SOX6: variants seen among roughly 807,000 people sequenced by gnomAD.
The protein encoded by SOX6 is transcription factor SOX-6.
SOX6 carries 11 observed loss-of-function variants against 97.8 expected under a neutral mutation model. The observed-to-expected ratio is 0.11, with a 90% CI of 0.07 to 0.19. The LOEUF is 0.19. Ranked by LOEUF, SOX6 falls within the 10% of genes least tolerant of loss-of-function variation. The probability of loss-of-function intolerance (pLI) is 1.00; values close to 1 mark genes in which losing one functional copy is unlikely to be tolerated. For missense variants in SOX6, 810 were observed against 1,039.5 expected (o/e 0.78, Z 3.04); for synonymous variants, 360 against 371.4 (o/e 0.97, Z 0.35).
intron 4 of SOX6, among the ~76,000 whole-genome samples, chr11:16,497,238 A>T (rs1860615731): frequency 6.6e-6 from 1 of 152,218 alleles, no homozygotes; most frequent in Non-Finnish European, 1.5e-5. Flanking sequence ...AAACTCCAAC[A>T]GACCTGCAGA....
intron 4 of SOX6, among the ~76,000 whole-genome samples, chr11:16,198,117 G>A (rs1235315200): frequency 1.3e-5 from 2 of 151,570 alleles, no homozygotes; most frequent in Admixed American, 6.6e-5. Flanking sequence ...GCAGTGGCTC[G>A]ATCTTGGCTC....
At chr11:16,543,193 C>T (rs1460144735) in intron 4 of SOX6, among the ~76,000 whole-genome samples, 1 of 152,106 alleles carries the variant, frequency 6.6e-6, no homozygotes, top group Non-Finnish European at 1.5e-5. Context: ...TGCCTTCATG[C>T]CAACCTTAGA....
intron 3 of SOX6, among the ~76,000 whole-genome samples, chr11:16,260,124 C>T (rs535376000): frequency 6.6e-6 from 1 of 152,058 alleles, no homozygotes; most frequent in African/African-American, 2.4e-5. Flanking sequence ...CTCAGCCTCC[C>T]GAGTAGCTGG....
At chr11:16,336,364 C>T (rs529783310) in intron 2 of SOX6, among the ~76,000 whole-genome samples, 19 of 152,146 alleles carry the variant, frequency 1.2e-4, no homozygotes, top group Non-Finnish European at 2.6e-4. Flanking sequence ...TCACCAACGT[C>T]ATTTCTTGTC....
chr11:15,980,283 T>C (rs1853618755), intron 15 of SOX6, among the ~76,000 whole-genome samples: 1 of 152,070 alleles, frequency 6.6e-6, no homozygotes. Context: ...TATTAGGAAA[T>C]GTTCCACAAA....
At chr11:16,482,205 A>G (rs1860356218) in intron 4 of SOX6, among the ~76,000 whole-genome samples, 1 of 152,214 alleles carries the variant, frequency 6.6e-6, no homozygotes, top group South Asian at 2.1e-4. Flanking sequence ...TTGACAAGTA[A>G]TCATTTCTCA....
At chr11:16,189,797 T>C (rs9971408) in intron 4 of SOX6, among the ~76,000 whole-genome samples, 37,521 of 151,982 alleles carry the variant, frequency 0.25, 4,856 homozygotes, top group Middle Eastern at 0.41. Flanking sequence ...GTCTATATGA[T>C]ATAAGTTAAG....
intron 2 of SOX6, among the ~76,000 whole-genome samples, chr11:16,327,175 G>A (rs1242215964): frequency 6.6e-6 from 1 of 152,054 alleles, no homozygotes. Flanking sequence ...AAAAGTCAAG[G>A]GAATGGGAAT....
At chr11:16,290,302 T>A (rs548755264) in intron 3 of SOX6, among the ~76,000 whole-genome samples, 3 of 152,190 alleles carry the variant, frequency 2.0e-5, no homozygotes, top group African/African-American at 7.2e-5. Context: ...TATTTCCATC[T>A]GAAACCTATG....
At chr11:16,101,262 G>A (rs1344906030) in intron 7 of SOX6, among the ~76,000 whole-genome samples, 2 of 151,630 alleles carry the variant, frequency 1.3e-5, no homozygotes. Context: ...GTCTGAATTT[G>A]TCTTTATGCG....
intron 3 of SOX6, among the ~76,000 whole-genome samples, chr11:16,634,966 AAAG>A (rs1340395482): frequency 3.9e-5 from 6 of 152,204 alleles, no homozygotes; most frequent in Admixed American, 6.5e-5. Context: ...ACCATGTGAA[AAAG>A]AAGATGTTTG....
intron 4 of SOX6, among the ~76,000 whole-genome samples, chr11:16,583,882 G>A (rs1848064191): frequency 6.6e-6 from 1 of 150,730 alleles, no homozygotes; most frequent in Non-Finnish European, 1.5e-5. Flanking sequence ...CCTACCAATA[G>A]TATATAAGAG....
intron 13 of SOX6, among the ~76,000 whole-genome samples, chr11:15,992,482 T>C (rs541304809): frequency 2.6e-5 from 4 of 152,280 alleles, no homozygotes; most frequent in South Asian, 4.1e-4. Flanking sequence ...CCCAAATATG[T>C]AGTACTCTAA....
intron 4 of SOX6, among the ~76,000 whole-genome samples, chr11:16,525,627 C>T (rs1861145759): frequency 6.6e-6 from 1 of 151,608 alleles, no homozygotes; most frequent in African/African-American, 2.4e-5. Context: ...CCAAAATTGA[C>T]AAATGGGATC....
intron 4 of SOX6, among the ~76,000 whole-genome samples, chr11:16,552,195 T>A (rs969231937): frequency 6.6e-6 from 1 of 152,056 alleles, no homozygotes; most frequent in African/African-American, 2.4e-5. Flanking sequence ...TGACAAATCA[T>A]AAAGTAAAAC....
At chr11:16,302,847 G>A (rs1855305375) in intron 3 of SOX6, among the ~76,000 whole-genome samples, 1 of 152,086 alleles carries the variant, frequency 6.6e-6, no homozygotes, top group African/African-American at 2.4e-5. Flanking sequence ...TGGGATTACA[G>A]GCAGGAGCCA....
At chr11:16,606,862 C>G (rs765155522) in intron 4 of SOX6, among the ~76,000 whole-genome samples, 19 of 152,138 alleles carry the variant, frequency 1.2e-4, no homozygotes, top group Non-Finnish European at 2.5e-4. Context: ...ACCCCCGCCA[C>G]GCAGATCTGT....
At chr11:16,057,849 C>T (rs912881394) in intron 9 of SOX6, among the ~76,000 whole-genome samples, 1 of 152,076 alleles carries the variant, frequency 6.6e-6, no homozygotes, top group Non-Finnish European at 1.5e-5. Flanking sequence ...ATTAAGGAAG[C>T]CTGACACTAT....
chr11:16,410,359 C>T (rs1049338882), intron 1 of SOX6, among the ~76,000 whole-genome samples: 6 of 152,246 alleles, frequency 3.9e-5, no homozygotes, highest in Non-Finnish European at 8.8e-5. Flanking sequence ...ATGACAGGCT[C>T]TTTGTGGTGG....
Sources: allele counts gnomAD v4.1 joint callset (sites outside exome capture counted in the v4.1 genomes callset), GRCh38; gene constraint gnomAD v4.1.1; transcripts MANE v1.5; gene names NCBI Gene and HGNC (gene_info 2026-07-23, HGNC 2026-07-21).